The following SHISA6 variants were observed in gnomAD, a reference collection of about 807,000 sequenced individuals.
The protein encoded by SHISA6 is shisa family member 6.
A neutral mutation model predicts 47.9 loss-of-function variants in SHISA6; 22 were observed. The ratio of observed to expected loss-of-function variants is 0.46; its 90% CI spans 0.33 to 0.66. SHISA6 has a LOEUF of 0.66. SHISA6 is among the 30% of genes least tolerant of loss of function. The pLI, the probability that SHISA6 is intolerant of heterozygous loss-of-function variation, is 0.02. For missense variants in SHISA6, 680 were observed against 764.6 expected, an observed-to-expected ratio of 0.89 and a Z score of 1.30; for synonymous variants, 388 against 337.8, an observed-to-expected ratio of 1.15 and a Z score of -1.63.
intron 3 of SHISA6, among the ~76,000 whole-genome samples, chr17:11,414,858 C>T (rs368207380): frequency 3.3e-5 from 5 of 152,000 alleles, no homozygotes; most frequent in South Asian, 2.1e-4. Flanking sequence ...GAGGCCCAGG[C>T]GGGTGAATCA....
rs533078643 is a variant in SHISA6, at chr17:11,345,926, TC to T, written c.800-33487del. ...TGTGAATACAGATAGTTTCTCTCTTTCTTTCCAATTTGCTTATCTTTTACTT... is the reference window on the plus strand; with the variant it reads ...TGTGAATACAGATAGTTTCTCTCTTTTTTCCAATTTGCTTATCTTTTACTT... On this transcript the variant is annotated intron_variant, in intron 2 of 5. Transcript: ENST00000441885. 2.7e-3 allele frequency among the ~76,000 whole-genome samples: 410 copies of T among 152,272 alleles called. 1 individual carries two copies. Among genetic ancestry groups the T allele is most frequent in the African/African-American group, 8.9e-3 (370 of 41,578 alleles).
At chr17:11,265,203 G>C (rs1011981971) in intron 2 of SHISA6, among the ~76,000 whole-genome samples, 2 of 152,220 alleles carry the variant, frequency 1.3e-5, no homozygotes, top group Non-Finnish European at 2.9e-5. Flanking sequence ...TCACATTAGT[G>C]TTTTAAACAA....
chr17:11,380,339 A>G (rs1283080904), intron 3 of SHISA6: 2 of 152,194 alleles, frequency 1.3e-5, no homozygotes, highest in Admixed American at 1.3e-4. Flanking sequence ...CTTACATTCC[A>G]TGCACCTACT....
chr17:11,423,253 A>G (rs536415842), intron 3 of SHISA6, among the ~76,000 whole-genome samples: 36 of 147,218 alleles, frequency 2.4e-4, no homozygotes, highest in Non-Finnish European at 3.4e-4. Flanking sequence ...ATATATATAT[A>G]TAATATATAT....
intron 2 of SHISA6, among the ~76,000 whole-genome samples, chr17:11,324,415 G>A (rs1411421790): frequency 6.6e-6 from 1 of 152,188 alleles, no homozygotes; most frequent in African/African-American, 2.4e-5. Flanking sequence ...GAGTGCTGTG[G>A]CCTGTGCTGG....
intron 3 of SHISA6, among the ~76,000 whole-genome samples, chr17:11,405,854 C>T (rs890699826): frequency 5.9e-5 from 9 of 152,144 alleles, no homozygotes; most frequent in Non-Finnish European, 4.4e-5. Context: ...GTTTTGGGAG[C>T]TGTTTTACAC....
chr17:11,312,706 G>A (rs1910379629), intron 2 of SHISA6, among the ~76,000 whole-genome samples: 1 of 152,110 alleles, frequency 6.6e-6, no homozygotes, highest in South Asian at 2.1e-4. Context: ...ATTTATTCAG[G>A]AATAAGCTAT....
rs1908304938 is a variant in SHISA6, at chr17:11,263,261, C to T, written c.639-105C>T. On this transcript the variant is annotated intron_variant, in intron 1 of 5. Coordinates refer to ENST00000441885, the MANE Select transcript of SHISA6 (RefSeq NM_207386.4). ...GAGCTGAATGCTGTCTCTGTCTCTT[C>T]CTGCATCTCTGTAAATCAAAGGGCA... 4 of 1,199,054 alleles carry T rather than the reference C, an allele frequency of 3.3e-6. No individual in the cohort carries two copies. The African/African-American group carries it at 6.1e-5, about 18-fold the overall frequency. The allele number at this position is 1,199,054 out of a possible 1,614,324, so 74.3% of individuals were successfully genotyped here.
Position 11,478,806 on chromosome 17 carries a change from C to T in SHISA6, c.896-73090C>T, listed in dbSNP as rs531513908. On this transcript the variant is annotated intron_variant, in intron 3 of 5. Transcript: ENST00000441885. ...TCTCTGTTTTGGTACCAGTACCATG[C>T]TGTTTTGGTTACTGTAGCCTTGTAG... Among the ~76,000 whole-genome samples, 275 of 134,132 alleles carry T rather than the reference C, an allele frequency of 2.1e-3. 1 individual carries two copies. Among genetic ancestry groups the T allele is most frequent in the Non-Finnish European group, 3.4e-3 (218 of 63,512 alleles). The allele number at this position is 134,132 out of a possible 152,430, so 88.0% of individuals were successfully genotyped here.
At chr17:11,349,717 C>T (rs1342562829) in intron 2 of SHISA6, among the ~76,000 whole-genome samples, 1 of 152,132 alleles carries the variant, frequency 6.6e-6, no homozygotes, top group African/African-American at 2.4e-5. Context: ...TCAGTCAGCT[C>T]CACTATCTGC....
At chr17:11,339,190 G>A (rs187343244) in intron 2 of SHISA6, among the ~76,000 whole-genome samples, 82 of 149,130 alleles carry the variant, frequency 5.5e-4, no homozygotes, top group African/African-American at 2.0e-3. Flanking sequence ...AGAAAACCAC[G>A]AGGCCACTAA....
rs111837116 is a variant in SHISA6 at position 11,402,910 on chromosome 17, G to A, written c.895+23401G>A. Among the ~76,000 whole-genome samples, 1,423 of 152,290 alleles carry A rather than the reference G, an allele frequency of 9.3e-3. 9 individuals carry two copies. The highest frequency in any genetic ancestry group is 0.015 in the Non-Finnish European group (1,027 of 68,028). ...CCAGGGTCAGACAAATAGCTGAAGC[G>A]ATGGTAATTGCACACTGTGGAAATA... On this transcript the variant is annotated intron_variant, in intron 3 of 5. Transcript: ENST00000441885.
At chr17:11,385,520 G>A (rs1913162259) in intron 3 of SHISA6, among the ~76,000 whole-genome samples, 1 of 152,172 alleles carries the variant, frequency 6.6e-6, no homozygotes, top group Non-Finnish European at 1.5e-5. Flanking sequence ...AGATCAGGAC[G>A]CATACGAATT....
rs201362821 is a variant in SHISA6 at position 11,537,358 on chromosome 17, CG to C, written c.896-14531del. On this transcript the variant is annotated intron_variant, in intron 3 of 5. Transcript: ENST00000441885. ...ACCAACCTGTCTTACTGGGTGGCGG[CG>C]GGGGGGATCCCACTTTCTGACACCA... Among the ~76,000 whole-genome samples, 822 of 152,028 alleles carry C rather than the reference CG, an allele frequency of 5.4e-3. 23 individuals are homozygous for C. In the South Asian group the frequency reaches 0.079, roughly 15 times the overall value.
intron 3 of SHISA6, among the ~76,000 whole-genome samples, chr17:11,526,999 A>C (rs1190698447): frequency 6.9e-6 from 1 of 144,762 alleles, no homozygotes; most frequent in Non-Finnish European, 1.5e-5. Flanking sequence ...GACTTTAATA[A>C]GCACTCCAGA....
intron 2 of SHISA6, among the ~76,000 whole-genome samples, chr17:11,309,345 C>T (rs1176738428): frequency 6.6e-6 from 1 of 152,156 alleles, no homozygotes; most frequent in East Asian, 1.9e-4. Context: ...ACTAGTTGGG[C>T]CTAATTGCAG....
At chr17:11,353,381 C>T (rs868487875) in intron 2 of SHISA6, among the ~76,000 whole-genome samples, 3 of 151,596 alleles carry the variant, frequency 2.0e-5, no homozygotes, top group Middle Eastern at 3.4e-3. Flanking sequence ...CGCGTGAACC[C>T]AGGAGGCAGA....
At chr17:11,256,920 G>T (rs972781391) in intron 1 of SHISA6, among the ~76,000 whole-genome samples, 4 of 152,200 alleles carry the variant, frequency 2.6e-5, no homozygotes, top group African/African-American at 9.7e-5. Flanking sequence ...CACCCACTGG[G>T]ATGGAGAAAC....
chr17:11,263,203 CT>C (rs1908302214), intron 1 of SHISA6, among the ~76,000 whole-genome samples, 162 bp from the exon 2 acceptor site: 3 of 152,158 alleles, frequency 2.0e-5, no homozygotes, highest in South Asian at 2.1e-4. Context: ...TGTGTCCCCC[CT>C]GAGACCAACA....
Sources: gnomAD v4.1 joint callset for allele counts (sites outside exome capture counted in the v4.1 genomes callset) on GRCh38, gnomAD v4.1.1 for gene constraint, MANE v1.5 for transcripts, NCBI Gene and HGNC (gene_info 2026-07-23, HGNC 2026-07-21) for gene names.